Variants in PCDHGA1 observed in about 807,000 individuals in gnomAD.
The protein encoded by PCDHGA1 is protocadherin gamma-A1.
PCDHGA1 carries 32 observed loss-of-function variants against 58.0 expected under a neutral mutation model. That is an observed-to-expected ratio of 0.55 (90% CI 0.42 to 0.74). The LOEUF is 0.74. Ranked by LOEUF, PCDHGA1 falls within the 30% of genes least tolerant of loss-of-function variation. The pLI is 0.00. For missense variants in PCDHGA1, 1,205 were observed against 1,182.3 expected (o/e 1.02, Z -0.28); for synonymous variants, 498 against 501.1 (o/e 0.99, Z 0.08).
At chr5:141,460,981 GTGTA>G (rs1315974712) in intron 1 of PCDHGA1, among the ~76,000 whole-genome samples, 3 of 121,894 alleles carry the variant, frequency 2.5e-5, no homozygotes, top group Non-Finnish European at 5.1e-5. Context: ...GTGTGTGTGT[GTGTA>G]TATATATATA....
rs750397953 is a variant in PCDHGA1 at position 141,409,543 on chromosome 5, C to CA, written c.2421+76440dup. 2.4e-5 allele frequency: 38 copies of CA among 1,613,884 alleles called. No individual in the cohort carries two copies. The South Asian group carries it at 4.1e-4, about 17-fold the overall frequency. On this transcript the variant is annotated intron_variant, in intron 1 of 3. Transcript: ENST00000517417. ...CCTTGTATGTCGCTGACATCAACGACAACGCCCCAGTTTTCGACCAGACGT... is the reference window on the plus strand; with the variant it reads ...CCTTGTATGTCGCTGACATCAACGACAAACGCCCCAGTTTTCGACCAGACGT...
rs73280920 is a variant in PCDHGA1 at position 141,453,809 on chromosome 5, A to G, written c.2422-40998A>G. Among the ~76,000 whole-genome samples, 1,254 of 152,338 alleles carry G rather than the reference A, an allele frequency of 8.2e-3. 17 individuals carry two copies. Among genetic ancestry groups the G allele is most frequent in the African/African-American group, 0.029 (1,191 of 41,572 alleles). On this transcript the variant is annotated intron_variant, in intron 1 of 3. Coordinates refer to ENST00000517417, the MANE Select transcript of PCDHGA1 (RefSeq NM_018912.3). ...GTATATTAACTTTGAGTAGTTCCATAAAGGACAAACTTGGCTGCTAGCCCT... is the reference window on the plus strand; with the variant it reads ...GTATATTAACTTTGAGTAGTTCCATGAAGGACAAACTTGGCTGCTAGCCCT...
intron 1 of PCDHGA1, chr5:141,393,987 T>C (rs1361027983): frequency 1.2e-6 from 2 of 1,613,490 alleles, no homozygotes; most frequent in Admixed American, 3.3e-5. Flanking sequence ...TAATTTACCT[T>C]TTAAATTAGA....
intron 1 of PCDHGA1, chr5:141,364,801 G>A: frequency 1.2e-6 from 2 of 1,613,992 alleles, no homozygotes; most frequent in Non-Finnish European, 1.7e-6. Flanking sequence ...TTCCCTTCGC[G>A]CGGGATGCGG....
At chr5:141,413,612 T>C (rs1282180585) in intron 1 of PCDHGA1, 1 of 1,613,696 alleles carries the variant, frequency 6.2e-7, no homozygotes, top group Non-Finnish European at 8.5e-7. Context: ...GACGTAAAAA[T>C]TAATGAAAAT....
At chr5:141,405,032 G>A (rs747720731) in intron 1 of PCDHGA1, 25 of 1,613,806 alleles carry the variant, frequency 1.5e-5, no homozygotes, top group African/African-American at 6.7e-5. Context: ...CCTCTACCTC[G>A]TTGTGGCTGT....
chr5:141,346,458 G>A, intron 1 of PCDHGA1: 4 of 1,614,152 alleles, frequency 2.5e-6, no homozygotes, highest in Middle Eastern at 1.6e-4. Context: ...CCTACTTCAG[G>A]TGAGTTTATT....
chr5:141,480,599 C>A (rs1202373543), intron 1 of PCDHGA1, among the ~76,000 whole-genome samples: 1 of 141,438 alleles, frequency 7.1e-6, no homozygotes, highest in East Asian at 1.9e-4. Flanking sequence ...TCTGGTCAGC[C>A]TGGAAAGCAA....
At chr5:141,429,613 G>A (rs1374650357) in intron 1 of PCDHGA1, among the ~76,000 whole-genome samples, 2 of 152,084 alleles carry the variant, frequency 1.3e-5, no homozygotes, top group African/African-American at 2.4e-5. Flanking sequence ...TCAATTTTAT[G>A]TCTGATATTT....
intron 1 of PCDHGA1, chr5:141,424,160 C>A (rs187420643): frequency 6.3e-4 from 172 of 273,324 alleles, no homozygotes; most frequent in South Asian, 2.2e-3. Flanking sequence ...CTCTCCTTCT[C>A]ATCTATCTAT....
intron 1 of PCDHGA1, chr5:141,366,161 G>A: frequency 6.2e-7 from 1 of 1,614,092 alleles, no homozygotes; most frequent in Non-Finnish European, 8.5e-7. Context: ...CCTGCTTAAG[G>A]CCAGCGAGCC....
At chr5:141,369,894 T>C (rs1766545420) in intron 1 of PCDHGA1, among the ~76,000 whole-genome samples, 1 of 152,332 alleles carries the variant, frequency 6.6e-6, no homozygotes, top group African/African-American at 2.4e-5. Flanking sequence ...GATATTATTA[T>C]GACCATTTTA....
In PCDHGA1 at chr5:141,331,586, T is replaced by C. The variant is rs1756368052; in HGVS notation, c.902T>C (p.Ile301Thr). The C allele has an allele frequency of 1.2e-6, 2 of 1,614,048 alleles. No individual in the cohort carries two copies. The highest frequency in any genetic ancestry group is 4.5e-5 in the East Asian group (2 of 44,878). The change falls in exon 1 of 4, where the codon ATA becomes ACA. Residue 301 changes from isoleucine (I) to threonine (T), a missense_variant. Ile to Thr is a moderately conservative substitution (Grantham distance 89). Transcript: ENST00000517417. ...IFRLDSYTGE[I>T]SNKEPLDFEE... ...CGTTTAGATTCTTACACAGGAGAAA[T>C]ATCAAATAAAGAACCACTAGATTTC...
intron 1 of PCDHGA1, chr5:141,350,868 G>C: frequency 6.2e-7 from 1 of 1,614,062 alleles, no homozygotes; most frequent in Non-Finnish European, 8.5e-7. Flanking sequence ...GAACATCAGA[G>C]CTCTCATCGC....
At chr5:141,400,440 A>G (rs1351638844) in intron 1 of PCDHGA1, 2 of 1,614,094 alleles carry the variant, frequency 1.2e-6, no homozygotes, top group Non-Finnish European at 1.7e-6. Context: ...AATTGAGTTC[A>G]GGACAAGACA....
At chr5:141,415,458 C>T in intron 1 of PCDHGA1, 5 of 1,614,204 alleles carry the variant, frequency 3.1e-6, no homozygotes, top group Non-Finnish European at 4.2e-6. Flanking sequence ...CCCACGAGGT[C>T]TCTCTCACCG....
At chr5:141,421,271 T>G in intron 1 of PCDHGA1, 1 of 1,612,330 alleles carries the variant, frequency 6.2e-7, no homozygotes, top group Non-Finnish European at 8.5e-7. Context: ...CGGCTGCTGC[T>G]GCTGCTGTGC....
intron 1 of PCDHGA1, chr5:141,385,119 T>C: frequency 1.2e-6 from 2 of 1,614,212 alleles, no homozygotes; most frequent in South Asian, 2.2e-5. Flanking sequence ...CCTCGCACTT[T>C]GTGGGCATGG....
At position 141,496,266 on chromosome 5, in the gene PCDHGA1, AAGACCTTC is replaced by A. The variant is rs2099767586; in HGVS notation, c.2480+1404_2480+1411del. Among the ~76,000 whole-genome samples the A allele has an allele frequency of 2.0e-5, 3 of 152,152 alleles. No homozygotes were observed. The South Asian group carries it at 6.2e-4, about 32-fold the overall frequency. Reference sequence around the variant, plus strand: ...TGAAGGGGAGGGAAACTTCAGCAGAAAGACCTTCAGTTGGTCTGAGCAGAGTGGGATAG... The same window carrying A: ...TGAAGGGGAGGGAAACTTCAGCAGAAAGTTGGTCTGAGCAGAGTGGGATAG... On this transcript the variant is annotated intron_variant, in intron 2 of 3. Coordinates refer to ENST00000517417, the MANE Select transcript of PCDHGA1 (RefSeq NM_018912.3).
Sources: gnomAD v4.1 joint callset for allele counts (sites outside exome capture counted in the v4.1 genomes callset) on GRCh38, gnomAD v4.1.1 for gene constraint, MANE v1.5 for transcripts, NCBI Gene and HGNC (gene_info 2026-07-23, HGNC 2026-07-21) for gene names.